The following NXNL2 variants were observed in gnomAD, a reference collection of about 807,000 sequenced individuals.
NXNL2 encodes the protein nucleoredoxin like 2, also known as nucleoredoxin-like protein 2.
In NXNL2, 7 loss-of-function variants were observed where a neutral mutation model predicts 11.1. The observed-to-expected ratio is 0.63, with a 90% CI of 0.36 to 1.18. The LOEUF (loss-of-function observed/expected upper bound fraction) is 1.18. NXNL2 is among the 50% of genes most tolerant of loss of function. NXNL2 has a pLI of 0.02. For synonymous variants in NXNL2, 109 were observed against 101.8 expected, an observed-to-expected ratio of 1.07 and a Z score of -0.42; for missense variants, 233 against 217.7, an observed-to-expected ratio of 1.07 and a Z score of -0.44.
chr9:88,553,364 A>G (rs991670541), intron 1 of NXNL2, among the ~76,000 whole-genome samples: 24 of 149,890 alleles, frequency 1.6e-4, no homozygotes, highest in African/African-American at 5.6e-4. Context: ...CCCAAACAAC[A>G]ACAACAACAA....
chr9:88,548,004 C>T (rs565890467), downstream of NXNL2, among the ~76,000 whole-genome samples: 5 of 137,362 alleles, frequency 3.6e-5, no homozygotes, highest in African/African-American at 1.4e-4. Flanking sequence ...CAACAAAGAG[C>T]GAAACTCCAT....
intron 1 of NXNL2, among the ~76,000 whole-genome samples, chr9:88,552,473 G>GGTTTTTTTTTTTTTTTT (rs796387920): frequency 7.6e-6 from 1 of 131,564 alleles, no homozygotes; most frequent in African/African-American, 2.8e-5. Flanking sequence ...AAACATGCAT[G>GGTTTTTTTTTTTTTTTT]TTTTTTTTTT....
downstream of NXNL2, among the ~76,000 whole-genome samples, chr9:88,547,036 G>A (rs892316714): frequency 1.3e-5 from 2 of 152,174 alleles, no homozygotes; most frequent in African/African-American, 4.8e-5. Context: ...ACAAGCAGTG[G>A]CAGTGTGATG....
chr9:88,576,278 T>C (rs928132516), downstream of NXNL2, among the ~76,000 whole-genome samples: 1 of 152,208 alleles, frequency 6.6e-6, no homozygotes, highest in African/African-American at 2.4e-5. Flanking sequence ...TCTCCCGACA[T>C]GTGAACCCAC....
chr9:88,563,311 T>C (rs190701325), intron 1 of NXNL2, among the ~76,000 whole-genome samples: 16 of 152,344 alleles, frequency 1.1e-4, no homozygotes, highest in Non-Finnish European at 2.2e-4. Context: ...GCACCCTGAA[T>C]TTCTCATGTC....
chr9:88,540,331 TA>T (rs112693535), intron 1 of NXNL2, among the ~76,000 whole-genome samples: 11,937 of 138,764 alleles, frequency 0.086, 1,285 homozygotes, highest in African/African-American at 0.27. Context: ...GACTCCATCT[TA>T]AAAAAAAAAA....
At chr9:88,541,942 T>C (rs1266529663) in intron 1 of NXNL2, among the ~76,000 whole-genome samples, 1 of 152,144 alleles carries the variant, frequency 6.6e-6, no homozygotes, top group Non-Finnish European at 1.5e-5. Context: ...AAAAATGATT[T>C]CTTTTTGGCT....
At chr9:88,540,280 C>T (rs1459186159) in intron 1 of NXNL2, among the ~76,000 whole-genome samples, 4 of 151,082 alleles carry the variant, frequency 2.6e-5, no homozygotes, top group Non-Finnish European at 5.9e-5. Flanking sequence ...TGCAGTGAGC[C>T]GAGATTGTAC....
rs370174841 is a variant in NXNL2 at position 88,543,270 on chromosome 9, CTTT to C, written c.303-1096_303-1094del. On this transcript the variant is annotated intron_variant, in intron 1 of 1. Coordinates refer to ENST00000375854, the MANE Select transcript of NXNL2 (RefSeq NM_001161625.2). ...GTATTTAGAACTCATGGAATTTTAACTTTTTTTTTTTTTTTCCTTAGAAATGGG... is the reference window on the plus strand; with the variant it reads ...GTATTTAGAACTCATGGAATTTTAACTTTTTTTTTTTTCCTTAGAAATGGG... Among the ~76,000 whole-genome samples the C allele has an allele frequency of 5.6e-3, 809 of 143,304 alleles. 6 individuals carry two copies. The highest frequency in any genetic ancestry group is 0.019 in the African/African-American group (764 of 39,466). The allele number at this position is 143,304 out of a possible 152,430, so 94.0% of individuals were successfully genotyped here.
At chr9:88,545,874 C>G (rs1316018037), downstream of NXNL2, among the ~76,000 whole-genome samples, 1 of 152,062 alleles carries the variant, frequency 6.6e-6, no homozygotes, top group Non-Finnish European at 1.5e-5. Flanking sequence ...TCAAGTGATT[C>G]TCTTGTCTCA....
At position 88,544,509 on chromosome 9, in the gene NXNL2, G is replaced by A; in HGVS notation, c.433G>A (p.Val145Met). ...ERGLACFQDW[V>M]EAADIFQNFS... ...GGGGTTGGCCTGCTTCCAGGACTGGGTGGAGGCGGCCGATATCTTCCAGAA... is the reference window on the plus strand; with the variant it reads ...GGGGTTGGCCTGCTTCCAGGACTGGATGGAGGCGGCCGATATCTTCCAGAA... The change falls in exon 2 of 2, where the codon GTG becomes ATG. Residue 145 changes from valine (V) to methionine (M), a missense_variant. Transcript: ENST00000375854. 6.5e-7 allele frequency: 1 copy of A among 1,549,826 alleles called. No individual in the cohort carries two copies. Among genetic ancestry groups the A allele is most frequent in the South Asian group, 1.2e-5 (1 of 83,774 alleles).
chr9:88,535,810 C>A, intron 1 of NXNL2, 74 bp downstream of exon 1: 1 of 1,232,734 alleles, frequency 8.1e-7, no homozygotes, highest in Non-Finnish European at 1.1e-6. Flanking sequence ...TCCCCCTCTG[C>A]ACTGGGGAGC....
chr9:88,582,266 C>CAGGAGAACA (rs1449799161), intron 1 of NXNL2, among the ~76,000 whole-genome samples: 1 of 152,052 alleles, frequency 6.6e-6, no homozygotes, highest in Admixed American at 6.5e-5. Context: ...ATCACGAGGT[C>CAGGAGAACA]AGACCATCCT....
chr9:88,579,933 C>T (rs1830390893), downstream of NXNL2, among the ~76,000 whole-genome samples: 1 of 151,844 alleles, frequency 6.6e-6, no homozygotes, highest in East Asian at 2.0e-4. Context: ...GATCGAGACC[C>T]TCCTGACTAA....
intron 1 of NXNL2, among the ~76,000 whole-genome samples, chr9:88,568,411 G>A (rs1830209812): frequency 6.6e-6 from 1 of 152,154 alleles, no homozygotes; most frequent in Non-Finnish European, 1.5e-5. Context: ...TGGCCAGACA[G>A]CCATGGACCC....
At chr9:88,547,707 T>C (rs1308797247), downstream of NXNL2, among the ~76,000 whole-genome samples, 1 of 152,126 alleles carries the variant, frequency 6.6e-6, no homozygotes, top group Non-Finnish European at 1.5e-5. Flanking sequence ...TACCCTTCTC[T>C]CCTGCATTTT....
intron 1 of NXNL2, among the ~76,000 whole-genome samples, chr9:88,540,127 TCGAAAC>T (rs963391279): frequency 6.6e-6 from 1 of 151,808 alleles, no homozygotes; most frequent in African/African-American, 2.4e-5. Context: ...AGTCAGGAGA[TCGAAAC>T]CATCCTGGCT....
downstream of NXNL2, among the ~76,000 whole-genome samples, chr9:88,547,841 AC>A (rs750956345): frequency 2.4e-4 from 36 of 150,964 alleles, no homozygotes; most frequent in Non-Finnish European, 4.9e-4. Context: ...ATGTGGTGAA[AC>A]CCTGTCTCTA....
chr9:88,542,239 C>CA (rs1485882393), intron 1 of NXNL2, among the ~76,000 whole-genome samples: 1 of 150,706 alleles, frequency 6.6e-6, no homozygotes, highest in African/African-American at 2.4e-5. Context: ...TCTCAAAAAA[C>CA]AAAAAAACAA....
Sources: allele counts gnomAD v4.1 joint callset (sites outside exome capture counted in the v4.1 genomes callset), GRCh38; gene constraint gnomAD v4.1.1; transcripts MANE v1.5; gene names NCBI Gene and HGNC (gene_info 2026-07-23, HGNC 2026-07-21).